Variants in DHX35 observed in about 807,000 individuals in gnomAD.
DHX35 encodes the protein probable ATP-dependent RNA helicase DHX35.
In DHX35, 84 loss-of-function variants were observed where a neutral mutation model predicts 99.6. The observed-to-expected ratio is 0.84, with a 90% CI of 0.71 to 1.01. The LOEUF is 1.01. DHX35 is among the 50% of genes least tolerant of loss of function. The probability of loss-of-function intolerance (pLI) is 0.00; values close to 1 mark genes in which losing one functional copy is unlikely to be tolerated. For synonymous variants in DHX35, 331 were observed against 316.2 expected (o/e 1.05, Z -0.50); for missense variants, 852 against 888.5 (o/e 0.96, Z 0.52).
Position 38,988,808 on chromosome 20 carries a change from C to T in DHX35, c.346-5C>T. ...CTATTTTCAGCATGATCTTTCTTCC[C>T]AAAGGTTGCAGGGAGAGTAGCTGAA... On this transcript the variant is annotated splice_polypyrimidine_tract_variant and splice_region_variant and intron_variant, in intron 4 of 21. Transcript: ENST00000252011. The T allele has an allele frequency of 6.2e-7, 1 of 1,613,380 alleles. No homozygotes were observed. Among genetic ancestry groups the T allele is most frequent in the Non-Finnish European group, 8.5e-7 (1 of 1,179,632 alleles).
intron 14 of DHX35, 84 bp from the exon 15 acceptor site, chr20:39,018,720 A>G (rs758052596): frequency 1.9e-5 from 25 of 1,323,660 alleles, no homozygotes; most frequent in South Asian, 2.5e-5. Context: ...TTTAGCATAC[A>G]TTATCTTTTA....
At chr20:38,984,304 T>TA (rs1391283260) in intron 4 of DHX35, among the ~76,000 whole-genome samples, 9 of 152,100 alleles carry the variant, frequency 5.9e-5, no homozygotes, top group African/African-American at 2.2e-4. Flanking sequence ...GCTGAGGAAA[T>TA]AAAAAAACAA....
intron 3 of DHX35, among the ~76,000 whole-genome samples, chr20:38,976,657 T>C (rs1438650024): frequency 6.6e-6 from 1 of 152,180 alleles, no homozygotes. Flanking sequence ...TTGTTAACTA[T>C]AGTCACTCTG....
intron 13 of DHX35, 115 bp downstream of exon 13, chr20:39,010,519 G>A: frequency 7.0e-7 from 1 of 1,420,426 alleles, no homozygotes. Flanking sequence ...CAGGTCATGT[G>A]TTGTGTGTCT....
At position 39,021,933 on chromosome 20, in the gene DHX35, G is replaced by T. The variant is rs202218901; in HGVS notation, c.1591G>T (p.Ala531Ser). 15 of 1,613,944 alleles carry T rather than the reference G, an allele frequency of 9.3e-6. No homozygotes were observed. In the African/African-American group the frequency reaches 1.5e-4, roughly 16 times the overall value. The change falls in exon 16 of 22, where the codon GCA becomes TCA. Residue 531 changes from alanine (A) to serine (S), a missense_variant and splice_region_variant. Physicochemically the swap from Ala to Ser is moderately conservative, Grantham distance 99 (BLOSUM62 1). Transcript: ENST00000252011. ...FVVPPNQKSH[A>S]IRVHRKFAVE... ...GGTCCCCCCAAACCAGAAGTCTCAC[G>T]CAGTAAGTCAGCTCTGTCCCCAGGC... is the stretch of plus-strand genomic sequence containing the variant.
chr20:38,991,499 T>C lies in DHX35; in HGVS notation c.496T>C (p.Leu166=). ...GGTCAGGGAAATGATGGTTGATCCG[T>C]TGTTAACAAAATATAGGTAAATGTG... is the stretch of plus-strand genomic sequence containing the variant. ...MLVREMMVDP[L]LTKYSVIMLD... The change falls in exon 6 of 22, where the codon TTG becomes CTG. Residue 166 remains leucine (L), a synonymous_variant. Transcript: ENST00000252011. 1 of 1,613,648 alleles carries C rather than the reference T, an allele frequency of 6.2e-7. No homozygotes were observed. Among genetic ancestry groups the C allele is most frequent in the Non-Finnish European group, 8.5e-7 (1 of 1,179,822 alleles).
chr20:39,000,385 T>C (rs1489278162), intron 8 of DHX35, among the ~76,000 whole-genome samples: 1 of 152,182 alleles, frequency 6.6e-6, no homozygotes, highest in Non-Finnish European at 1.5e-5. Flanking sequence ...TCCCACTTGT[T>C]TGTATGTCAC....
intron 3 of DHX35, among the ~76,000 whole-genome samples, chr20:38,976,817 A>G (rs971321008): frequency 6.6e-6 from 1 of 152,064 alleles, no homozygotes; most frequent in Non-Finnish European, 1.5e-5. Context: ...TGTAAGATCA[A>G]CTTTTTTAGA....
intron 16 of DHX35, among the ~76,000 whole-genome samples, chr20:39,022,144 A>G (rs78416847): frequency 0.02 from 3,081 of 152,142 alleles, 111 homozygotes; most frequent in African/African-American, 0.071. Flanking sequence ...GGAAGTAGAT[A>G]TTATTATCAT....
At chr20:39,036,786 C>T (rs924577247) in intron 21 of DHX35, among the ~76,000 whole-genome samples, 5 of 142,814 alleles carry the variant, frequency 3.5e-5, no homozygotes, top group Non-Finnish European at 3.0e-5. Context: ...CATTGTATAA[C>T]GATGGTCCCC....
intron 17 of DHX35, among the ~76,000 whole-genome samples, chr20:39,023,974 A>G (rs1015454503): frequency 3.9e-5 from 6 of 152,236 alleles, no homozygotes; most frequent in African/African-American, 1.4e-4. Flanking sequence ...AGAACACAGG[A>G]ATCATTCATT....
chr20:38,971,197 A>G (rs2085990378), intron 2 of DHX35, among the ~76,000 whole-genome samples: 1 of 152,074 alleles, frequency 6.6e-6, no homozygotes, highest in Non-Finnish European at 1.5e-5. Flanking sequence ...TACTAAAAAT[A>G]TAAAAAATTA....
chr20:39,011,253 A>G (rs1167081915), intron 13 of DHX35, among the ~76,000 whole-genome samples: 2 of 149,508 alleles, frequency 1.3e-5, no homozygotes, highest in Non-Finnish European at 3.0e-5. Flanking sequence ...TTTATATTTT[A>G]CTGTTTTTTT....
chr20:38,980,744 G>A (rs2086160092), intron 3 of DHX35, among the ~76,000 whole-genome samples: 1 of 152,074 alleles, frequency 6.6e-6, no homozygotes, highest in Non-Finnish European at 1.5e-5. Context: ...TGCAGAGATC[G>A]AAAGCAGGCC....
intron 7 of DHX35, among the ~76,000 whole-genome samples, chr20:38,994,256 A>C (rs2086388615): frequency 6.6e-6 from 1 of 152,220 alleles, no homozygotes; most frequent in Non-Finnish European, 1.5e-5. Context: ...GCCTTAAAAA[A>C]ATAAATCCTT....
chr20:39,002,932 C>T (rs182875587), intron 10 of DHX35, 64 bp downstream of exon 10: 3 of 1,343,396 alleles, frequency 2.2e-6, no homozygotes, highest in Non-Finnish European at 1.1e-6. Context: ...TAATACAGAG[C>T]CTTGTTACTT....
chr20:38,999,678 A>G (rs1189865363), intron 8 of DHX35, among the ~76,000 whole-genome samples: 1 of 152,208 alleles, frequency 6.6e-6, no homozygotes, highest in African/African-American at 2.4e-5. Context: ...TATCTCTGGA[A>G]TGCTTTGCCC....
At chr20:38,987,523 C>A (rs186848594) in intron 4 of DHX35, among the ~76,000 whole-genome samples, 1 of 152,162 alleles carries the variant, frequency 6.6e-6, no homozygotes, top group Admixed American at 6.5e-5. Context: ...TGTGAACCAC[C>A]GCGTCCGGTC....
chr20:39,001,197 G>T (rs1007205018), intron 8 of DHX35, among the ~76,000 whole-genome samples: 2 of 152,146 alleles, frequency 1.3e-5, no homozygotes, highest in Non-Finnish European at 2.9e-5. Context: ...ACTACTGTAG[G>T]GCGTGTAAAG....
Sources: gnomAD v4.1 joint callset for allele counts (sites outside exome capture counted in the v4.1 genomes callset) on GRCh38, gnomAD v4.1.1 for gene constraint, MANE v1.5 for transcripts, NCBI Gene and HGNC (gene_info 2026-07-23, HGNC 2026-07-21) for gene names.